The following KMT2C variants were observed in gnomAD, a reference collection of about 807,000 sequenced individuals.
KMT2C encodes histone-lysine N-methyltransferase 2C.
In KMT2C, 88 loss-of-function variants were observed where a neutral mutation model predicts 507.9. The observed-to-expected ratio is 0.17, with a 90% CI of 0.15 to 0.21. The LOEUF (loss-of-function observed/expected upper bound fraction) is 0.21, where lower values mean the gene tolerates loss of function less well. Among genes scored for constraint, KMT2C ranks in the 10% least tolerant of loss-of-function variants. The probability of loss-of-function intolerance (pLI) is 1.00; values close to 1 mark genes in which losing one functional copy is unlikely to be tolerated. For missense variants in KMT2C, 4,954 were observed against 5,957.8 expected, an observed-to-expected ratio of 0.83 and a Z score of 5.55; for synonymous variants, 2,049 against 2,080.8, an observed-to-expected ratio of 0.98 and a Z score of 0.42.
intron 41 of KMT2C, 114 bp downstream of exon 41, chr7:152,169,072 A>G (rs2129107191): frequency 1.6e-6 from 1 of 639,282 alleles, no homozygotes; most frequent in Admixed American, 2.4e-5. Context: ...ATAAGACAGG[A>G]GGGCACCTGG....
chr7:152,298,049 GAAGAA>G (rs1195133173), intron 6 of KMT2C, among the ~76,000 whole-genome samples: 2 of 151,858 alleles, frequency 1.3e-5, no homozygotes, highest in Non-Finnish European at 2.9e-5. Context: ...AGAAACTGCA[GAAGAA>G]AAGATTAGCA....
At chr7:152,237,328 G>C (rs79268014) in intron 15 of KMT2C, among the ~76,000 whole-genome samples, 1 of 151,652 alleles carries the variant, frequency 6.6e-6, no homozygotes, top group Non-Finnish European at 1.5e-5. Context: ...CAAAAGGAAC[G>C]GGAGGAATGG....
chr7:152,164,448 C>G (rs865779989), intron 42 of KMT2C, among the ~76,000 whole-genome samples: 2 of 151,822 alleles, frequency 1.3e-5, no homozygotes, highest in Non-Finnish European at 2.9e-5. Context: ...CGCTACCACG[C>G]CCGGCTAATT....
chr7:152,205,437 T>C (rs1462508818), intron 24 of KMT2C, among the ~76,000 whole-genome samples: 1 of 147,998 alleles, frequency 6.8e-6, no homozygotes, highest in Non-Finnish European at 1.5e-5. Context: ...TTATCACTTA[T>C]CAAACAGAAT....
At chr7:152,219,670 G>A (rs941692662) in intron 23 of KMT2C, among the ~76,000 whole-genome samples, 2 of 151,154 alleles carry the variant, frequency 1.3e-5, no homozygotes, top group African/African-American at 2.4e-5. Context: ...ATAAATAACC[G>A]CCCCAAAAAT....
In KMT2C at chr7:152,323,672, G is replaced by T. The variant is rs1202892964; in HGVS notation, c.389+6929C>A. Among the ~76,000 whole-genome samples, 3 of 144,374 alleles carry T rather than the reference G, an allele frequency of 2.1e-5. No homozygotes were observed. The Admixed American group carries it at 2.1e-4, about 10-fold the overall frequency. The allele number at this position is 144,374 out of a possible 152,430, so 94.7% of individuals were successfully genotyped here. ...AAAAAGAGAGAGAAAGAGAAAGAAA[G>T]GAAGGAAAGAAAAAAAGGAAAGAAG... On this transcript the variant is annotated intron_variant, in intron 3 of 58. Transcript: ENST00000262189.
intron 56 of KMT2C, 133 bp from the exon 57 acceptor site, chr7:152,139,392 T>A: frequency 1.3e-6 from 1 of 767,078 alleles, no homozygotes; most frequent in Non-Finnish European, 2.2e-6. Context: ...GGATATTCTA[T>A]TAGGCACAGA....
intron 23 of KMT2C, among the ~76,000 whole-genome samples, chr7:152,212,054 CGAAGAAAAGAGAAGA>C (rs1203862367): frequency 6.6e-6 from 1 of 151,170 alleles, no homozygotes; most frequent in African/African-American, 2.4e-5. Flanking sequence ...TCGAAAGAAA[CGAAGAAAAGAGAAGA>C]GAAGAGACGA....
chr7:152,235,818 C>G lies in KMT2C; in HGVS notation c.2768G>C (p.Gly923Ala), dbSNP rs1329059324. The G allele has an allele frequency of 6.3e-7, 1 of 1,575,624 alleles. No homozygotes were observed. Among genetic ancestry groups the G allele is most frequent in the Non-Finnish European group, 8.7e-7 (1 of 1,146,998 alleles). ...KSGIGAVVLP[G>A]VSTADISSNK... ...AAATATACATGAAGCAAGCCTCACC[C>G]CAGGTAATACAACAGCTCCGATTCC... Residue 923 changes from glycine to alanine, a missense_variant and splice_region_variant, in exon 16 of 59, where the codon GGG becomes GCG. Around this residue, in one of 29 missense-constraint regions of KMT2C, gnomAD observed 62 missense variants for 137.2 expected, o/e 0.45. Coordinates refer to ENST00000262189, the MANE Select transcript of KMT2C (RefSeq NM_170606.3).
chr7:152,205,614 G>A (rs1004182629), intron 24 of KMT2C, among the ~76,000 whole-genome samples: 10 of 152,200 alleles, frequency 6.6e-5, no homozygotes, highest in African/African-American at 2.4e-4. Context: ...TGTCAAGGCA[G>A]TGGTCCCATA....
intron 34 of KMT2C, among the ~76,000 whole-genome samples, chr7:152,184,626 C>G (rs1293759967): frequency 6.6e-6 from 1 of 152,162 alleles, no homozygotes; most frequent in Non-Finnish European, 1.5e-5. Flanking sequence ...AATCCAGTCT[C>G]CAAATTTAGT....
intron 1 of KMT2C, among the ~76,000 whole-genome samples, chr7:152,432,773 T>G (rs1393631734): frequency 5.9e-5 from 9 of 152,334 alleles, no homozygotes; most frequent in Admixed American, 2.6e-4. Flanking sequence ...TATTAAAAAT[T>G]TAAACTTGAG....
chr7:152,432,981 T>C (rs2097878156), intron 1 of KMT2C, among the ~76,000 whole-genome samples: 1 of 152,084 alleles, frequency 6.6e-6, no homozygotes, highest in Non-Finnish European at 1.5e-5. Context: ...ACCCTGTGTC[T>C]ACTAAAAATA....
chr7:152,413,491 T>C (rs914403721), intron 1 of KMT2C, among the ~76,000 whole-genome samples: 7 of 152,188 alleles, frequency 4.6e-5, no homozygotes, highest in Non-Finnish European at 1.0e-4. Context: ...GTTTAGAAGA[T>C]ACAATGCAAC....
intron 1 of KMT2C, among the ~76,000 whole-genome samples, chr7:152,371,399 A>G (rs2097292331): frequency 6.6e-6 from 1 of 152,188 alleles, no homozygotes; most frequent in Non-Finnish European, 1.5e-5. Flanking sequence ...ATAAACCAGA[A>G]AAGAACCAAC....
chr7:152,236,736 G>A (rs903491670), intron 15 of KMT2C, among the ~76,000 whole-genome samples: 2 of 152,076 alleles, frequency 1.3e-5, no homozygotes, highest in Non-Finnish European at 2.9e-5. Context: ...CCGTCACTCA[G>A]GTTGGAGTGC....
At position 152,248,258 on chromosome 7, in the gene KMT2C, G is replaced by T. The variant is rs1323157101; in HGVS notation, c.2176C>A (p.Gln726Lys). The change falls in exon 14 of 59, where the codon CAG (glutamine) becomes AAG (lysine). Residue 726 changes from glutamine to lysine, a missense_variant. Gln to Lys is a moderately conservative substitution (Grantham distance 53, BLOSUM62 1). Around this residue, in one of 29 missense-constraint regions of KMT2C, gnomAD observed 376 missense variants for 352.4 expected, o/e 1.07. Coordinates refer to ENST00000262189, the MANE Select transcript of KMT2C (RefSeq NM_170606.3). Reference sequence around the variant, plus strand: ...GTAGAAAGTTCAGAATTTTCTTTCTGTTCCTTTTCTCCTTGTAGCCTTTCT... The same window carrying T: ...GTAGAAAGTTCAGAATTTTCTTTCTTTTCCTTTTCTCCTTGTAGCCTTTCT... ...VIERLQGEKE[Q>K]KENSELSTGL... is the part of the protein sequence containing the mutation. 2 of 1,613,830 alleles carry T rather than the reference G, an allele frequency of 1.2e-6. No homozygotes were observed. Among genetic ancestry groups the T allele is most frequent in the Non-Finnish European group, 1.7e-6 (2 of 1,179,748 alleles).
intron 9 of KMT2C, among the ~76,000 whole-genome samples, chr7:152,258,344 T>C (rs2095697244): frequency 2.6e-5 from 4 of 152,282 alleles, no homozygotes; most frequent in Non-Finnish European, 5.9e-5. Flanking sequence ...CATGAGTCAG[T>C]ATTAATAAGT....
rs950086494 is a variant in KMT2C at position 152,235,207 on chromosome 7, G to GTATGTATATATATATATATATATA, written c.2769+609_2769+610insTATATATATATATATATATACATA. 2.3e-3 allele frequency among the ~76,000 whole-genome samples: 332 copies of GTATGTATATATATATATATATATA among 142,470 alleles called. 9 individuals carry two copies. The highest frequency in any genetic ancestry group is 8.7e-3 in the African/African-American group (318 of 36,674). 93.5% of individuals were successfully genotyped at this position (142,470 alleles called of 152,430 possible). On this transcript the variant is annotated intron_variant, in intron 16 of 58. Coordinates refer to ENST00000262189, the MANE Select transcript of KMT2C (RefSeq NM_170606.3). Reference sequence around the variant, plus strand: ...TGATTGTGGTATCGTTTTCAAGGGTGTATATATATATATATATCAAAGCTT... The same window carrying GTATGTATATATATATATATATATA: ...TGATTGTGGTATCGTTTTCAAGGGTGTATGTATATATATATATATATATATATATATATATATATATCAAAGCTT...
Sources: allele counts gnomAD v4.1 joint callset (sites outside exome capture counted in the v4.1 genomes callset), GRCh38; gene constraint gnomAD v4.1.1; regional missense constraint gnomAD v4.1.1; transcripts MANE v1.5; gene names NCBI Gene and HGNC (gene_info 2026-07-23, HGNC 2026-07-21).